CAMK2B: variants seen among roughly 807,000 people sequenced by gnomAD.
CAMK2B encodes calcium/calmodulin-dependent protein kinase type II subunit beta.
CAMK2B carries 27 observed loss-of-function variants against 93.7 expected under a neutral mutation model. The ratio of observed to expected loss-of-function variants is 0.29; its 90% CI spans 0.21 to 0.40. CAMK2B has a LOEUF of 0.40. CAMK2B is among the 10% of genes least tolerant of loss of function. The pLI is 1.00. For synonymous variants in CAMK2B, 374 were observed against 358.8 expected (o/e 1.04, Z -0.48); for missense variants, 568 against 895.8 (o/e 0.63, Z 4.67).
At chr7:44,226,261 T>G (rs923275198) in intron 20 of CAMK2B, among the ~76,000 whole-genome samples, 4 of 150,744 alleles carry the variant, frequency 2.7e-5, no homozygotes, top group African/African-American at 9.8e-5. Context: ...AATGCTGGGG[T>G]CGGCAACAAA....
At position 44,243,296 on chromosome 7, in the gene CAMK2B, G is replaced by A. The variant is rs201370830; in HGVS notation, c.555C>T (p.Val185=). 18 of 1,614,024 alleles carry A rather than the reference G, an allele frequency of 1.1e-5. No homozygotes were observed. Among genetic ancestry groups the A allele is most frequent in the South Asian group, 3.3e-5 (3 of 91,086 alleles). Residue 185 remains valine (V), a synonymous_variant, in exon 8 of 24, where the codon GTC becomes GTT. Transcript: ENST00000395749. ...GCTTGCCATACGCCTCTTTGCGAAG[G>A]ACCTCAGGGGACAGGTAGCCTGGTG... ...AGTPGYLSPE[V]LRKEAYGKPV... is the part of the protein sequence containing the mutation.
chr7:44,279,249 A>G (rs749666921), intron 2 of CAMK2B, among the ~76,000 whole-genome samples: 5 of 152,242 alleles, frequency 3.3e-5, no homozygotes, highest in Non-Finnish European at 7.3e-5. Flanking sequence ...CTGGCTAAGA[A>G]TTGATAACTG....
At chr7:44,267,538 T>C (rs1436295601) in intron 2 of CAMK2B, among the ~76,000 whole-genome samples, 2 of 152,124 alleles carry the variant, frequency 1.3e-5, no homozygotes, top group African/African-American at 4.8e-5. Flanking sequence ...GGCAAGGGCG[T>C]ATGTGTGTGG....
intron 2 of CAMK2B, among the ~76,000 whole-genome samples, chr7:44,274,411 T>C (rs2097011140): frequency 1.3e-5 from 2 of 152,178 alleles, no homozygotes; most frequent in Non-Finnish European, 2.9e-5. Flanking sequence ...CTCTCCAGAC[T>C]TTCCCATCAG....
In CAMK2B at chr7:44,268,418, C is replaced by T. The variant is rs188888741; in HGVS notation, c.161-5354G>A. Among the ~76,000 whole-genome samples the T allele has an allele frequency of 1.8e-4, 27 of 152,324 alleles. No homozygotes were observed. The East Asian group carries it at 4.8e-3, about 27-fold the overall frequency. On this transcript the variant is annotated intron_variant, in intron 2 of 23. Transcript: ENST00000395749. ...CACAGAGGAAGGGGAGACAACGCCA[C>T]GCCAGTACCAGGAGGGGCTCAAGGG...
chr7:44,302,810 T>A (rs1483188204), intron 1 of CAMK2B, among the ~76,000 whole-genome samples: 1 of 152,274 alleles, frequency 6.6e-6, no homozygotes, highest in Non-Finnish European at 1.5e-5. Context: ...CCATACTTCA[T>A]GGTGAGAAAC....
Position 44,271,609 on chromosome 7 carries a change from G to A in CAMK2B, c.161-8545C>T, listed in dbSNP as rs369979694. On this transcript the variant is annotated intron_variant, in intron 2 of 23. Transcript: ENST00000395749. The surrounding 1 kb of genome is among the most constrained non-coding windows in gnomAD (Gnocchi z 4.2). Reference sequence around the variant, plus strand: ...ACCTGGGCTGCCAGCAAGTCCCTTGGTAGCACTGACCTTGGATTTATTTGA... The same window carrying A: ...ACCTGGGCTGCCAGCAAGTCCCTTGATAGCACTGACCTTGGATTTATTTGA... Among the ~76,000 whole-genome samples, 2 of 152,252 alleles carry A rather than the reference G, an allele frequency of 1.3e-5. No individual in the cohort carries two copies. The highest frequency in any genetic ancestry group is 1.3e-4 in the Admixed American group (2 of 15,290).
At position 44,224,461 on chromosome 7, in the gene CAMK2B, C is replaced by G. The variant is rs901357783; in HGVS notation, c.1597+2055G>C. Among the ~76,000 whole-genome samples, 3 of 152,220 alleles carry G rather than the reference C, an allele frequency of 2.0e-5. No homozygotes were observed. The highest frequency in any genetic ancestry group is 2.9e-5 in the Non-Finnish European group (2 of 68,040). ...CCAGAGACAAAGGGGAGGTGGTGGG[C>G]AGGGCCTGGGCTTGGAGGGGTCTGC... On this transcript the variant is annotated intron_variant, in intron 20 of 23. Transcript: ENST00000395749. This position sits in a 1 kb window ranked among gnomAD's most constrained non-coding sequence, Gnocchi z 4.4.
chr7:44,301,654 G>C (rs1790072955), intron 1 of CAMK2B, among the ~76,000 whole-genome samples: 1 of 152,044 alleles, frequency 6.6e-6, no homozygotes, highest in African/African-American at 2.4e-5. Flanking sequence ...GCGCATGCCT[G>C]TAATCTCAGC....
chr7:44,232,114 G>A (rs1305175650), intron 16 of CAMK2B, among the ~76,000 whole-genome samples: 1 of 152,226 alleles, frequency 6.6e-6, no homozygotes, highest in Non-Finnish European at 1.5e-5. Flanking sequence ...GGACCCCCTG[G>A]TCCCTGCCAT....
At chr7:44,270,368 C>T (rs897659172) in intron 2 of CAMK2B, among the ~76,000 whole-genome samples, 1 of 152,110 alleles carries the variant, frequency 6.6e-6, no homozygotes, top group African/African-American at 2.4e-5. Flanking sequence ...TCTGGTTCCT[C>T]AGGGCTGGGG....
chr7:44,307,682 T>C (rs1010022003), intron 1 of CAMK2B, among the ~76,000 whole-genome samples: 4 of 152,078 alleles, frequency 2.6e-5, no homozygotes, highest in African/African-American at 9.7e-5. Context: ...TGAGATGCGC[T>C]TAGCCAGAGT....
intron 2 of CAMK2B, among the ~76,000 whole-genome samples, chr7:44,274,036 GC>G (rs1329530863): frequency 6.6e-6 from 1 of 152,094 alleles, no homozygotes; most frequent in African/African-American, 2.4e-5. Flanking sequence ...TTTCCAGAAT[GC>G]CCCCTACCAC....
chr7:44,247,756 G>A (rs1273722164), intron 5 of CAMK2B, among the ~76,000 whole-genome samples: 2 of 152,176 alleles, frequency 1.3e-5, no homozygotes, highest in Admixed American at 6.5e-5. Context: ...GCCTGGGCGC[G>A]GTGGTTCATA....
At chr7:44,303,238 T>C (rs546858643) in intron 1 of CAMK2B, among the ~76,000 whole-genome samples, 13 of 152,152 alleles carry the variant, frequency 8.5e-5, no homozygotes, top group Non-Finnish European at 1.6e-4. Flanking sequence ...AAAACTCTGA[T>C]GAAAAAATAT....
chr7:44,253,923 A>ATACACATACACATACACAGAGCCTACC (rs2096806232), intron 5 of CAMK2B, among the ~76,000 whole-genome samples: 1 of 145,502 alleles, frequency 6.9e-6, no homozygotes, highest in East Asian at 1.9e-4. Flanking sequence ...TTTTTTTTTA[A>ATACACATACACATACACAGAGCCTACC]ATACACATCT....
In CAMK2B at chr7:44,312,600, A is replaced by T. The variant is rs1584902330; in HGVS notation, c.65+12757T>A. 1.3e-5 allele frequency among the ~76,000 whole-genome samples: 2 copies of T among 152,278 alleles called. No individual in the cohort carries two copies. The highest frequency in any genetic ancestry group is 1.3e-4 in the Admixed American group (2 of 15,306). ...TGGCCATCGTCACCACACCAGGAAGAGCCTAGAAAAGACCAGGAAGCAAAA... is the reference window on the plus strand; with the variant it reads ...TGGCCATCGTCACCACACCAGGAAGTGCCTAGAAAAGACCAGGAAGCAAAA... On this transcript the variant is annotated intron_variant, in intron 1 of 23. Coordinates refer to ENST00000395749, the MANE Select transcript of CAMK2B (RefSeq NM_001220.5). The surrounding 1 kb of genome is among the most constrained non-coding windows in gnomAD (Gnocchi z 4.1).
At chr7:44,220,363 C>T (rs1360618084) in intron 22 of CAMK2B, 69 bp from the exon 23 acceptor site, 3 of 1,212,916 alleles carry the variant, frequency 2.5e-6, no homozygotes, top group African/African-American at 3.0e-5. Context: ...TTCCACCCCA[C>T]CAGCCTAATC....
intron 13 of CAMK2B, among the ~76,000 whole-genome samples, chr7:44,237,126 C>T (rs1420985702): frequency 1.3e-5 from 2 of 152,240 alleles, no homozygotes; most frequent in Admixed American, 1.3e-4. Flanking sequence ...CAGCATGGCA[C>T]CCTAGGCAGC....
Sources: allele counts gnomAD v4.1 joint callset (sites outside exome capture counted in the v4.1 genomes callset), GRCh38; gene constraint gnomAD v4.1.1; non-coding constraint Gnocchi (gnomAD v3.1); transcripts MANE v1.5; gene names NCBI Gene and HGNC (gene_info 2026-07-23, HGNC 2026-07-21).